Variants in SPTBN1 observed in about 807,000 individuals in gnomAD.
SPTBN1 encodes the protein spectrin beta, non-erythrocytic 1, also known as spectrin beta chain, non-erythrocytic 1.
A neutral mutation model predicts 266.4 loss-of-function variants in SPTBN1; 32 were observed. The ratio of observed to expected loss-of-function variants is 0.12; its 90% CI spans 0.09 to 0.16. The LOEUF is 0.16. SPTBN1 is among the 10% of genes least tolerant of loss of function. The pLI, the probability that SPTBN1 is intolerant of heterozygous loss-of-function variation, is 1.00. For missense variants in SPTBN1, 2,296 were observed against 3,067.1 expected (o/e 0.75, Z 5.94); for synonymous variants, 1,336 against 1,162.2 (o/e 1.15, Z -3.04).
chr2:54,491,386 A>G (rs1488919848), intron 1 of SPTBN1, among the ~76,000 whole-genome samples: 3 of 152,166 alleles, frequency 2.0e-5, no homozygotes, highest in Non-Finnish European at 4.4e-5. Context: ...AGATAATAGG[A>G]TTTGAGCTGT....
In SPTBN1 at chr2:54,487,832, C is replaced by CT. The variant is rs70944169; in HGVS notation, c.-48+31329dup. On this transcript the variant is annotated intron_variant, in intron 1 of 35. Transcript: ENST00000356805. ...TTCACTTGATGGTCTCCTCCTGTGT[C>CT]TTTTTTTTTTTTTTTGAGACGGAGT... 6.7e-4 allele frequency among the ~76,000 whole-genome samples: 46 copies of CT among 68,646 alleles called. 8 individuals carry two copies. The South Asian group carries it at 0.013, about 20-fold the overall frequency. The allele number at this position is 68,646 out of a possible 152,430, so 45.0% of individuals were successfully genotyped here. A position where few individuals can be genotyped will look rare whatever the true frequency, so the allele number is the denominator to read the frequency against.
chr2:54,641,036 G>A (rs142558828), intron 18 of SPTBN1, among the ~76,000 whole-genome samples: 39 of 152,316 alleles, frequency 2.6e-4, no homozygotes, highest in Non-Finnish European at 3.8e-4. Flanking sequence ...CTGTTAGCTT[G>A]ATTCAACGAT....
At chr2:54,458,418 ATGAG>A (rs754987704) in intron 1 of SPTBN1, among the ~76,000 whole-genome samples, 6 of 152,220 alleles carry the variant, frequency 3.9e-5, no homozygotes, top group Non-Finnish European at 7.3e-5. Context: ...TATTAGGTGT[ATGAG>A]TGTCATGATG....
Position 54,475,202 on chromosome 2 carries a change from G to A in SPTBN1, c.-48+18684G>A, listed in dbSNP as rs574933782. ...GCCTGGGTGACAAGAGCGAAACTCC[G>A]TCTCAAAAAAGAAAAAGAAAAGTGG... On this transcript the variant is annotated intron_variant, in intron 1 of 35. Transcript: ENST00000356805. Among the ~76,000 whole-genome samples, 11 of 152,052 alleles carry A rather than the reference G, an allele frequency of 7.2e-5. No individual in the cohort carries two copies. In the South Asian group the frequency reaches 1.5e-3, roughly 20 times the overall value.
rs749127274 is a variant in SPTBN1, at chr2:54,624,933, C to A, written c.1312C>A (p.Leu438Met). ...DRKAAMRETW[L>M]SENQRLVSQD... is the part of the protein sequence containing the mutation. ...CAAGGCAGCTATGAGGGAGACTTGG[C>A]TGAGCGAAAACCAGCGTCTGGTGTC... Residue 438 changes from leucine (L) to methionine (M), a missense_variant, in exon 11 of 36, where the codon CTG becomes ATG. Coordinates refer to ENST00000356805, the MANE Select transcript of SPTBN1 (RefSeq NM_003128.3). 5.6e-6 allele frequency: 9 copies of A among 1,608,638 alleles called. No individual in the cohort carries two copies. The highest frequency in any genetic ancestry group is 7.6e-6 in the Non-Finnish European group (9 of 1,177,494).
intron 1 of SPTBN1, among the ~76,000 whole-genome samples, chr2:54,517,762 C>T (rs570693625): frequency 1.6e-4 from 24 of 151,978 alleles, no homozygotes; most frequent in Admixed American, 7.9e-4. Context: ...TCTGCTGTCT[C>T]AGCCTCCTGA....
Position 54,629,103 on chromosome 2 carries a change from AAGG to A in SPTBN1, c.1972_1974del (p.Glu658del). On this transcript the variant is annotated inframe_deletion, in exon 14 of 36. Coordinates refer to ENST00000356805, the MANE Select transcript of SPTBN1 (RefSeq NM_003128.3). ...AGAAGAGGAAGGCTGGATACGGGAGAAGGAGAAGATCCTGTCCTCGGACGATTA... is the reference window on the plus strand; with the variant it reads ...AGAAGAGGAAGGCTGGATACGGGAGAAGAAGATCCTGTCCTCGGACGATTA... 1 of 1,613,674 alleles carries A rather than the reference AAGG, an allele frequency of 6.2e-7. No homozygotes were observed. Among genetic ancestry groups the A allele is most frequent in the Non-Finnish European group, 8.5e-7 (1 of 1,179,924 alleles).
intron 2 of SPTBN1, among the ~76,000 whole-genome samples, chr2:54,560,805 G>A (rs563049900): frequency 6.6e-6 from 1 of 152,296 alleles, no homozygotes; most frequent in African/African-American, 2.4e-5. Context: ...TTGAGAAAGG[G>A]TGAATTAACT....
chr2:54,578,727 C>T (rs1674664025), intron 2 of SPTBN1, among the ~76,000 whole-genome samples: 1 of 150,332 alleles, frequency 6.7e-6, no homozygotes, highest in African/African-American at 2.5e-5. Flanking sequence ...TTAATTTGGC[C>T]TAGGCAAGTG....
At chr2:54,643,467 A>G (rs1264247228) in intron 19 of SPTBN1, among the ~76,000 whole-genome samples, 1 of 152,188 alleles carries the variant, frequency 6.6e-6, no homozygotes, top group Non-Finnish European at 1.5e-5. Flanking sequence ...TTTGTGTTGT[A>G]CTGTGACAGA....
At chr2:54,556,286 C>T (rs1265543308) in intron 2 of SPTBN1, among the ~76,000 whole-genome samples, 2 of 152,182 alleles carry the variant, frequency 1.3e-5, no homozygotes, top group Non-Finnish European at 2.9e-5. Flanking sequence ...TCCCCAGTGT[C>T]CAAACCTTTC....
chr2:54,461,206 A>T (rs754411475), intron 1 of SPTBN1, among the ~76,000 whole-genome samples: 1 of 152,178 alleles, frequency 6.6e-6, no homozygotes, highest in East Asian at 1.9e-4. Context: ...TATCAACAAA[A>T]TTATACTTTA....
Position 54,631,269 on chromosome 2 carries a change from C to T in SPTBN1, c.3222C>T (p.Phe1074=). 1 of 1,614,168 alleles carries T rather than the reference C, an allele frequency of 6.2e-7. No individual in the cohort carries two copies. ...LQQFLRDLDD[F]QSWLSRTQTA... is the part of the protein sequence containing the mutation. ...AGTTCCTACGGGACTTGGACGACTT[C>T]CAGTCCTGGCTCTCTAGGACCCAGA... is the stretch of plus-strand genomic sequence containing the variant. Residue 1074 remains phenylalanine (F), a synonymous_variant, in exon 16 of 36, where the codon TTC becomes TTT. Coordinates refer to ENST00000356805, the MANE Select transcript of SPTBN1 (RefSeq NM_003128.3).
At position 54,529,349 on chromosome 2, in the gene SPTBN1, G is replaced by GTCTT. The variant is rs1573346325; in HGVS notation, c.148+2783_148+2784insTCTT. 3 of 597,314 alleles carry GTCTT rather than the reference G, an allele frequency of 5.0e-6. No individual in the cohort carries two copies. In the East Asian group the frequency reaches 9.8e-5, roughly 19 times the overall value. 37.0% of individuals were successfully genotyped at this position (597,314 alleles called of 1,614,324 possible). ...CACTTGAGACCCTTTTCAGAAGATG[G>GTCTT]CACCGAAAGTGAAGAAGGAAGCTCC... On this transcript the variant is annotated intron_variant, in intron 2 of 35. Transcript: ENST00000356805.
At chr2:54,563,986 A>G (rs1432433366) in intron 2 of SPTBN1, among the ~76,000 whole-genome samples, 2 of 152,162 alleles carry the variant, frequency 1.3e-5, no homozygotes, top group East Asian at 1.9e-4. Context: ...TTCTGACTCC[A>G]AATTTGATGC....
At chr2:54,594,567 G>T (rs6731661) in intron 2 of SPTBN1, among the ~76,000 whole-genome samples, 120,535 of 152,102 alleles carry the variant, frequency 0.79, 48,354 homozygotes, top group African/African-American at 0.92. Flanking sequence ...GATTAGATAC[G>T]GAAGGACGAC....
chr2:54,550,895 A>C (rs529986244), intron 2 of SPTBN1, among the ~76,000 whole-genome samples: 1 of 152,214 alleles, frequency 6.6e-6, no homozygotes, highest in Admixed American at 6.5e-5. Flanking sequence ...AGATGAGTTG[A>C]CTTGGGCTCT....
intron 1 of SPTBN1, among the ~76,000 whole-genome samples, chr2:54,511,071 A>G (rs538280666): frequency 6.6e-6 from 1 of 152,324 alleles, no homozygotes; most frequent in South Asian, 2.1e-4. Context: ...GTCTGGCCCC[A>G]CAGTAGACAT....
intron 1 of SPTBN1, among the ~76,000 whole-genome samples, chr2:54,503,543 A>C (rs151000619): frequency 1.3e-5 from 2 of 152,360 alleles, no homozygotes; most frequent in Admixed American, 1.3e-4. Context: ...CAAGGGTTAG[A>C]AATGAGAAGT....
Sources: allele counts gnomAD v4.1 joint callset (sites outside exome capture counted in the v4.1 genomes callset), GRCh38; gene constraint gnomAD v4.1.1; transcripts MANE v1.5; gene names NCBI Gene and HGNC (gene_info 2026-07-23, HGNC 2026-07-21).